The following WDR7 variants were observed in gnomAD, a reference collection of about 807,000 sequenced individuals.
The protein encoded by WDR7 is WD repeat-containing protein 7.
In WDR7, 46 loss-of-function variants were observed where a neutral mutation model predicts 169.4. The observed-to-expected ratio is 0.27, with a 90% CI of 0.21 to 0.35. The LOEUF (loss-of-function observed/expected upper bound fraction) is 0.35. Among genes scored for constraint, WDR7 ranks in the 10% least tolerant of loss-of-function variants. The pLI is 1.00. For missense variants in WDR7, 1,534 were observed against 1,859.3 expected (o/e 0.83, Z 3.22); for synonymous variants, 612 against 666.8 (o/e 0.92, Z 1.27).
chr18:56,656,912 A>G (rs183761299), intron 1 of WDR7, among the ~76,000 whole-genome samples: 223 of 152,278 alleles, frequency 1.5e-3, no homozygotes, highest in African/African-American at 5.1e-3. Flanking sequence ...ATTGTAGTTT[A>G]TAAAAATACT....
At chr18:56,683,919 T>C (rs924697826) in intron 5 of WDR7, among the ~76,000 whole-genome samples, 11 of 152,196 alleles carry the variant, frequency 7.2e-5, no homozygotes, top group Non-Finnish European at 2.9e-5. Flanking sequence ...GAAATATTAA[T>C]ACTTAAGGGA....
intron 18 of WDR7, among the ~76,000 whole-genome samples, chr18:56,780,229 TATA>T (rs1453590615): frequency 6.6e-6 from 1 of 152,214 alleles, no homozygotes; most frequent in African/African-American, 2.4e-5. Context: ...TTACTTGGAA[TATA>T]ATATTACCAA....
At chr18:56,693,589 T>TTTG (rs2025628240) in intron 9 of WDR7, among the ~76,000 whole-genome samples, 1 of 139,864 alleles carries the variant, frequency 7.1e-6, no homozygotes, top group Admixed American at 7.4e-5. Flanking sequence ...TTTTTTTTTT[T>TTTG]GAGATGGAGT....
chr18:56,992,602 G>A (rs772210658), intron 26 of WDR7, among the ~76,000 whole-genome samples: 1 of 152,134 alleles, frequency 6.6e-6, no homozygotes, highest in Non-Finnish European at 1.5e-5. Context: ...TAACATTAGG[G>A]CCACACGGAA....
At position 56,679,324 on chromosome 18, in the gene WDR7, AT is replaced by A; in HGVS notation, c.160-5del. ...GGTACTTAAACTAGCATATTTTTGC[AT>A]TTCTAGATTAATCCTCGAGCACTGT... On this transcript the variant is annotated splice_polypyrimidine_tract_variant and splice_region_variant and intron_variant, in intron 2 of 27. Transcript: ENST00000254442. 2.5e-6 allele frequency: 4 copies of A among 1,600,992 alleles called. No individual in the cohort carries two copies. Among genetic ancestry groups the A allele is most frequent in the Non-Finnish European group, 3.4e-6 (4 of 1,171,200 alleles).
intron 20 of WDR7, among the ~76,000 whole-genome samples, chr18:56,856,534 T>TA (rs1256934444): frequency 6.6e-6 from 1 of 151,880 alleles, no homozygotes; most frequent in East Asian, 1.9e-4. Flanking sequence ...ACTTAGTCTT[T>TA]AAAAAAATAA....
chr18:56,980,193 G>C (rs564843329), intron 26 of WDR7, among the ~76,000 whole-genome samples: 73 of 152,262 alleles, frequency 4.8e-4, no homozygotes, highest in African/African-American at 1.7e-3. Flanking sequence ...TCCCATTTTA[G>C]AGACTTAGAT....
chr18:56,721,538 T>C (rs2026320967), intron 13 of WDR7: 1 of 152,232 alleles, frequency 6.6e-6, no homozygotes, highest in Non-Finnish European at 1.5e-5. Flanking sequence ...AGCAACAAGA[T>C]TTAGCCAGAT....
chr18:56,991,128 G>C (rs2917650), intron 26 of WDR7, among the ~76,000 whole-genome samples: 84,961 of 148,052 alleles, frequency 0.57, 24,887 homozygotes, highest in Middle Eastern at 0.72. Context: ...ACTAGCTACC[G>C]TACACCTTCT....
chr18:56,847,974 G>C (rs944080627), intron 20 of WDR7, among the ~76,000 whole-genome samples: 3 of 152,196 alleles, frequency 2.0e-5, no homozygotes, highest in Non-Finnish European at 4.4e-5. Flanking sequence ...GAAATGTGGG[G>C]TTGGAGCACT....
chr18:56,904,779 C>G (rs992137561), intron 21 of WDR7, among the ~76,000 whole-genome samples: 1 of 152,116 alleles, frequency 6.6e-6, no homozygotes, highest in Non-Finnish European at 1.5e-5. Flanking sequence ...TTCAATTAAC[C>G]CTTTTTTTTG....
At chr18:56,854,552 G>A (rs2045689849) in intron 20 of WDR7, among the ~76,000 whole-genome samples, 1 of 152,172 alleles carries the variant, frequency 6.6e-6, no homozygotes, top group Admixed American at 6.5e-5. Flanking sequence ...ACTGAAGCAT[G>A]GACATCCATG....
Position 56,682,862 on chromosome 18 carries a change from ATT to A in WDR7, c.520+10_520+11del, listed in dbSNP as rs769109408. On this transcript the variant is annotated intron_variant, in intron 5 of 27. Coordinates refer to ENST00000254442, the MANE Select transcript of WDR7 (RefSeq NM_015285.3). ...ATCCCACCGAACACAAGGTCAGTGT[ATT>A]ATGCCTGTTAGGAGCTTTAGCACCA... 1 of 1,611,528 alleles carries A rather than the reference ATT, an allele frequency of 6.2e-7. No individual in the cohort carries two copies. Among genetic ancestry groups the A allele is most frequent in the Non-Finnish European group, 8.5e-7 (1 of 1,179,018 alleles).
chr18:56,855,192 G>A (rs977702607), intron 20 of WDR7, among the ~76,000 whole-genome samples: 3 of 151,356 alleles, frequency 2.0e-5, no homozygotes, highest in South Asian at 2.1e-4. Context: ...TTCAACATAC[G>A]TGTTTCCTAT....
At chr18:57,011,613 T>G (rs2048136630) in intron 26 of WDR7, among the ~76,000 whole-genome samples, 1 of 152,238 alleles carries the variant, frequency 6.6e-6, no homozygotes, top group South Asian at 2.1e-4. Flanking sequence ...TAACATAAAG[T>G]TGGCATAATG....
intron 20 of WDR7, among the ~76,000 whole-genome samples, chr18:56,857,654 A>ATG (rs1738240443): frequency 1.3e-5 from 2 of 152,174 alleles, no homozygotes; most frequent in African/African-American, 4.8e-5. Flanking sequence ...ATACACATAT[A>ATG]TGTGTGTGTG....
At chr18:56,917,178 C>A (rs1361221034) in intron 21 of WDR7, among the ~76,000 whole-genome samples, 2 of 151,774 alleles carry the variant, frequency 1.3e-5, no homozygotes, top group East Asian at 3.9e-4. Context: ...GCCTGGGCGA[C>A]AGGGTGACAT....
chr18:56,936,343 A>G (rs1477206806), intron 23 of WDR7: 2 of 154,148 alleles, frequency 1.3e-5, no homozygotes, highest in Non-Finnish European at 2.9e-5. Flanking sequence ...TACTTGTCAC[A>G]GATAAAGACT....
chr18:56,900,110 A>ATATATAT (rs1568256012), intron 21 of WDR7, among the ~76,000 whole-genome samples: 4 of 147,752 alleles, frequency 2.7e-5, no homozygotes, highest in East Asian at 2.0e-4. Flanking sequence ...ATATATATAT[A>ATATATAT]AAATTGTTAA....
Sources: gnomAD v4.1 joint callset for allele counts (sites outside exome capture counted in the v4.1 genomes callset) on GRCh38, gnomAD v4.1.1 for gene constraint, MANE v1.5 for transcripts, NCBI Gene and HGNC (gene_info 2026-07-23, HGNC 2026-07-21) for gene names.